The following UCHL5 variants were observed in gnomAD, a reference collection of about 807,000 sequenced individuals.
UCHL5 encodes the protein ubiquitin C-terminal hydrolase L5.
UCHL5 carries 34 observed loss-of-function variants against 53.8 expected under a neutral mutation model. The observed-to-expected ratio is 0.63, with a 90% confidence interval of 0.48 to 0.84. The LOEUF (loss-of-function observed/expected upper bound fraction) is 0.84. UCHL5 is among the 40% of genes least tolerant of loss of function. The pLI is 0.00. For missense variants in UCHL5, 290 were observed against 385.6 expected, an observed-to-expected ratio of 0.75 and a Z score of 2.08; for synonymous variants, 111 against 126.3, an observed-to-expected ratio of 0.88 and a Z score of 0.81.
chr1:193,051,717 T>C (rs201993913), intron 2 of UCHL5, 37 bp downstream of exon 2: 21 of 1,260,582 alleles, frequency 1.7e-5, no homozygotes, highest in Admixed American at 2.0e-5. Context: ...TTAAAGTATA[T>C]ATATATACAT....
intron 2 of UCHL5, among the ~76,000 whole-genome samples, chr1:193,051,066 T>C (rs1668884188): frequency 6.6e-6 from 1 of 152,326 alleles, no homozygotes; most frequent in Non-Finnish European, 1.5e-5. Flanking sequence ...TATCACCTTC[T>C]TACTATTAAC....
chr1:193,029,752 A>C, intron 3 of UCHL5, 95 bp from the exon 4 acceptor site: 1 of 976,268 alleles, frequency 1.0e-6, no homozygotes, highest in Non-Finnish European at 1.5e-6. Context: ...AACAGTTTTC[A>C]AATTATATTT....
rs150560535 is a variant in UCHL5, at chr1:193,028,897, G to C, written c.565+282C>G. Among the ~76,000 whole-genome samples, 305 of 152,218 alleles carry C rather than the reference G, an allele frequency of 2.0e-3. 2 individuals carry two copies. The highest frequency in any genetic ancestry group is 6.4e-3 in the African/African-American group (265 of 41,556). ...TAACTATTTACGTTCACTAAGGGTA[G>C]TTTTTAAATGTTAAATGGAAAATAA... On this transcript the variant is annotated intron_variant, in intron 6 of 10. Transcript: ENST00000367454.
At chr1:193,038,036 T>G (rs139490458) in intron 3 of UCHL5, among the ~76,000 whole-genome samples, 1,852 of 152,232 alleles carry the variant, frequency 0.012, 19 homozygotes, top group South Asian at 0.034. Context: ...AAAAAGCATT[T>G]GATAAAATTT....
intron 7 of UCHL5, among the ~76,000 whole-genome samples, chr1:193,026,558 T>A (rs1269457059): frequency 6.6e-6 from 1 of 152,168 alleles, no homozygotes; most frequent in African/African-American, 2.4e-5. Context: ...TCACTATACA[T>A]CTATTAGAAT....
chr1:193,017,248 T>C (rs969489540), intron 10 of UCHL5, among the ~76,000 whole-genome samples: 3 of 151,804 alleles, frequency 2.0e-5, no homozygotes, highest in African/African-American at 7.2e-5. Context: ...GCAATATTTT[T>C]CCACTGTGCC....
chr1:193,025,379 G>A (rs1330121664), intron 7 of UCHL5, among the ~76,000 whole-genome samples: 1 of 152,186 alleles, frequency 6.6e-6, no homozygotes, highest in Non-Finnish European at 1.5e-5. Flanking sequence ...GCTGGGTAGG[G>A]AATGGGGACT....
At chr1:193,017,735 G>A (rs1655348949) in intron 10 of UCHL5, among the ~76,000 whole-genome samples, 1 of 151,458 alleles carries the variant, frequency 6.6e-6, no homozygotes, top group Admixed American at 6.6e-5. Context: ...AAGGCAGAGT[G>A]TCTATACATT....
At position 193,053,540 on chromosome 1, in the gene UCHL5, C is replaced by T. The variant is rs373853233; in HGVS notation, c.77-1723G>A. On this transcript the variant is annotated intron_variant, in intron 1 of 10. Transcript: ENST00000367454. ...ATGGTATAATGGAAAGAGAAATAAG[C>T]GCTGATTCCAGAGACCTACATCCTG... is the stretch of plus-strand genomic sequence containing the variant. Among the ~76,000 whole-genome samples, 54 of 152,258 alleles carry T rather than the reference C, an allele frequency of 3.5e-4. No individual in the cohort carries two copies. In the East Asian group the frequency reaches 4.6e-3, roughly 13 times the overall value.
At chr1:193,033,350 G>A (rs1662181246) in intron 3 of UCHL5, among the ~76,000 whole-genome samples, 1 of 152,092 alleles carries the variant, frequency 6.6e-6, no homozygotes, top group Non-Finnish European at 1.5e-5. Flanking sequence ...GCACAGGGAG[G>A]GGAACATCAC....
intron 3 of UCHL5, among the ~76,000 whole-genome samples, chr1:193,035,506 G>A (rs192558936): frequency 3.2e-4 from 49 of 151,868 alleles, no homozygotes; most frequent in Middle Eastern, 3.4e-3. Context: ...AAAGCTATCC[G>A]TCAAATATGA....
At chr1:193,016,458 A>G in intron 10 of UCHL5, 63 bp from the exon 11 acceptor site, 1 of 1,471,648 alleles carries the variant, frequency 6.8e-7, no homozygotes, top group Non-Finnish European at 9.3e-7. Context: ...TATTAGAATA[A>G]AATGTGCCTA....
chr1:193,016,985 A>C (rs1458356568), intron 10 of UCHL5, among the ~76,000 whole-genome samples: 6 of 151,828 alleles, frequency 4.0e-5, no homozygotes, highest in African/African-American at 9.7e-5. Flanking sequence ...AAAAAGCCAG[A>C]GCTTATAGAT....
intron 3 of UCHL5, among the ~76,000 whole-genome samples, chr1:193,038,328 C>T (rs1208294107): frequency 1.3e-5 from 2 of 151,848 alleles, no homozygotes; most frequent in African/African-American, 4.8e-5. Context: ...TGGTGGCGGA[C>T]GCCTGTAGTC....
chr1:193,046,707 A>G (rs947696631), intron 3 of UCHL5, among the ~76,000 whole-genome samples: 4 of 147,784 alleles, frequency 2.7e-5, no homozygotes, highest in Admixed American at 2.0e-4. Context: ...TAAATTTATA[A>G]TTTTTGTATA....
chr1:193,037,132 G>T lies in UCHL5; in HGVS notation c.247-7475C>A, dbSNP rs146657790. 2.9e-3 allele frequency among the ~76,000 whole-genome samples: 441 copies of T among 150,726 alleles called. 3 individuals carry two copies. The highest frequency in any genetic ancestry group is 9.4e-3 in the African/African-American group (387 of 41,100). ...CAAACCCAAAATTATTAGAAGGAAA[G>T]AAATAATAAAGATCAGAGCAGAAAT... On this transcript the variant is annotated intron_variant, in intron 3 of 10. Transcript: ENST00000367454.
chr1:193,028,560 G>A (rs899422728), intron 6 of UCHL5, among the ~76,000 whole-genome samples: 1 of 151,930 alleles, frequency 6.6e-6, no homozygotes, highest in South Asian at 2.1e-4. Context: ...ATTTAATGAA[G>A]TCAAAATAAG....
At chr1:193,019,438 G>A (rs1029091893) in intron 10 of UCHL5, among the ~76,000 whole-genome samples, 1 of 151,550 alleles carries the variant, frequency 6.6e-6, no homozygotes, top group African/African-American at 2.4e-5. Flanking sequence ...ATGAGTCTAA[G>A]CTCCTTCAGA....
At chr1:193,020,370 G>A in intron 10 of UCHL5, 1 of 1,548,202 alleles carries the variant, frequency 6.5e-7, no homozygotes, top group Non-Finnish European at 8.7e-7. Flanking sequence ...TCTTCTCAAA[G>A]TGTTTCTCAA....
Sources: allele counts gnomAD v4.1 joint callset (sites outside exome capture counted in the v4.1 genomes callset), GRCh38; gene constraint gnomAD v4.1.1; transcripts MANE v1.5; gene names NCBI Gene and HGNC (gene_info 2026-07-23, HGNC 2026-07-21).